NDRG2: variants seen among roughly 807,000 people sequenced by gnomAD.
NDRG2 encodes NDRG family member 2, also known as protein NDRG2.
A neutral mutation model predicts 58.2 loss-of-function variants in NDRG2; 34 were observed. The observed-to-expected ratio is 0.58, with a 90% CI of 0.44 to 0.78. The LOEUF is 0.78. Among genes scored for constraint, NDRG2 ranks in the 30% least tolerant of loss-of-function variants. NDRG2 has a pLI of 0.00. For missense variants in NDRG2, 434 were observed against 471.2 expected, an observed-to-expected ratio of 0.92 and a Z score of 0.73; for synonymous variants, 187 against 175.9, an observed-to-expected ratio of 1.06 and a Z score of -0.50.
At chr14:21,025,595 G>A, upstream of NDRG2, 2 of 985,628 alleles carry the variant, frequency 2.0e-6, no homozygotes, top group Non-Finnish European at 2.4e-6. The surrounding 1 kb of genome is among the most constrained non-coding windows in gnomAD (Gnocchi z 5.1). Flanking sequence ...GGCAGGGGCA[G>A]GTGTGCTGGC....
rs1291662075 is a variant in NDRG2 at position 21,017,654 on chromosome 14, C to G, written c.1058G>C (p.Ser353Thr). The G allele has an allele frequency of 5.0e-6, 8 of 1,613,172 alleles. No homozygotes were observed. The highest frequency in any genetic ancestry group is 1.7e-5 in the Admixed American group (1 of 59,890). ...RSRSRTLSQS[S>T]ESGTLSSGPP... Reference sequence around the variant, plus strand: ...CCCCGAAGAAAGAGTTCCAGACTCGCTGCTCTGGGACAGGGTGCGAGAGCG... The same window carrying G: ...CCCCGAAGAAAGAGTTCCAGACTCGGTGCTCTGGGACAGGGTGCGAGAGCG... Residue 353 changes from serine to threonine, a missense_variant, in exon 16 of 16, where the codon AGC becomes ACC. Coordinates refer to ENST00000556147, the MANE Select transcript of NDRG2 (RefSeq NM_001320329.2).
At chr14:21,020,920 T>A (rs1288595247) in intron 6 of NDRG2, 76 bp from the exon 7 acceptor site, 10 of 1,485,804 alleles carry the variant, frequency 6.7e-6, no homozygotes, top group Non-Finnish European at 9.3e-6. Flanking sequence ...CTTCAAACTC[T>A]TCACCCTCCC....
Position 21,020,739 on chromosome 14 carries a change from C to A in NDRG2, c.468+45G>T, listed in dbSNP as rs763653092. 23 of 1,610,644 alleles carry A rather than the reference C, an allele frequency of 1.4e-5. No individual in the cohort carries two copies. The South Asian group carries it at 1.5e-4, about 11-fold the overall frequency. On this transcript the variant is annotated intron_variant, in intron 7 of 15. Transcript: ENST00000556147. Reference sequence around the variant, plus strand: ...CACTAATAAACAGTATTCTCCTAATCAGTCTGGACCCTCCTTTCCCTCCTC... The same window carrying A: ...CACTAATAAACAGTATTCTCCTAATAAGTCTGGACCCTCCTTTCCCTCCTC...
At chr14:21,064,029 C>T (rs1886118401) in intron 1 of NDRG2, among the ~76,000 whole-genome samples, 1 of 152,170 alleles carries the variant, frequency 6.6e-6, no homozygotes. Flanking sequence ...CACAATCAAC[C>T]TTTTTAATAT....
chr14:21,070,511 C>A lies in NDRG2; in HGVS notation c.24+317G>T, dbSNP rs1886654908. 1 of 1,268,536 alleles carries A rather than the reference C, an allele frequency of 7.9e-7. No homozygotes were observed. Among genetic ancestry groups the A allele is most frequent in the African/African-American group, 1.5e-5 (1 of 66,690 alleles). The allele number at this position is 1,268,536 out of a possible 1,614,324, so 78.6% of individuals were successfully genotyped here. On this transcript the variant is annotated intron_variant, in intron 1 of 14. Transcript: ENST00000403829. The surrounding 1 kb of genome is among the most constrained non-coding windows in gnomAD (Gnocchi z 4.7). ...GAGCCTGCCTCGGACTGTTCGGCCC[C>A]TCTGGGACTCTCCTCCCTCCCATCC...
At chr14:21,036,531 C>A (rs1884641110) in intron 1 of NDRG2, among the ~76,000 whole-genome samples, 1 of 152,194 alleles carries the variant, frequency 6.6e-6, no homozygotes, top group African/African-American at 2.4e-5. Flanking sequence ...GACCCGCGGG[C>A]CATGGGTTGG....
At chr14:21,062,533 G>A (rs1886018966) in intron 1 of NDRG2, among the ~76,000 whole-genome samples, 2 of 152,196 alleles carry the variant, frequency 1.3e-5, no homozygotes, top group South Asian at 2.1e-4. Flanking sequence ...TGAGGCCCGT[G>A]TAGGGGTGGC....
chr14:21,038,280 A>G (rs978035138), intron 1 of NDRG2, among the ~76,000 whole-genome samples: 1 of 152,242 alleles, frequency 6.6e-6, no homozygotes, highest in Non-Finnish European at 1.5e-5. Flanking sequence ...GGTCACTTAT[A>G]TGCAAGGCAT....
At chr14:21,063,214 G>T (rs574684797) in intron 1 of NDRG2, among the ~76,000 whole-genome samples, 1 of 152,088 alleles carries the variant, frequency 6.6e-6, no homozygotes, top group African/African-American at 2.4e-5. Context: ...TAAAAGTGGT[G>T]TGTATGTGTG....
chr14:21,025,239 G>T, upstream of NDRG2: 1 of 839,788 alleles, frequency 1.2e-6, no homozygotes, highest in Non-Finnish European at 1.4e-6. This position sits in a 1 kb window ranked among gnomAD's most constrained non-coding sequence, Gnocchi z 5.1. Context: ...GGGCCGGGGG[G>T]CGAGGGGCGG....
chr14:21,056,507 C>T (rs1885680678), intron 1 of NDRG2, among the ~76,000 whole-genome samples: 2 of 152,054 alleles, frequency 1.3e-5, no homozygotes, highest in South Asian at 4.2e-4. Context: ...GGCCTGTTGT[C>T]GTTATTGAAA....
rs1293589458 is a variant in NDRG2, at chr14:21,070,608, T to A, written c.24+220A>T. Reference sequence around the variant, plus strand: ...CACCGGGTATTGCCCTCACCCTTTCTTCCTCCTCTCCTCCGCCTCCTCCCC... The same window carrying A: ...CACCGGGTATTGCCCTCACCCTTTCATCCTCCTCTCCTCCGCCTCCTCCCC... On this transcript the variant is annotated intron_variant, in intron 1 of 14. Transcript: ENST00000403829. This position sits in a 1 kb window ranked among gnomAD's most constrained non-coding sequence, Gnocchi z 4.7. Among the ~76,000 whole-genome samples, 2 of 151,872 alleles carry A rather than the reference T, an allele frequency of 1.3e-5. No individual in the cohort carries two copies. Among genetic ancestry groups the A allele is most frequent in the African/African-American group, 4.8e-5 (2 of 41,366 alleles).
intron 1 of NDRG2, chr14:21,031,848 G>A (rs1342450268): frequency 2.5e-6 from 4 of 1,592,148 alleles, no homozygotes; most frequent in Non-Finnish European, 2.6e-6. Context: ...GGATATGACA[G>A]CGTAAGGAAA....
Position 21,070,730 on chromosome 14 carries a change from C to G in NDRG2, c.24+98G>C. 1.5e-6 allele frequency: 2 copies of G among 1,340,786 alleles called. No homozygotes were observed. The highest frequency in any genetic ancestry group is 2.1e-6 in the Non-Finnish European group (2 of 975,310). The allele number at this position is 1,340,786 out of a possible 1,614,324, so 83.1% of individuals were successfully genotyped here. A position where few individuals can be genotyped will look rare whatever the true frequency, so the allele number is the denominator to read the frequency against. Reference sequence around the variant, plus strand: ...CCTTCCTTTCCTGGAGCTTCCCTCCCCCTCCTGGTCCGAGCTCCTTACCCG... The same window carrying G: ...CCTTCCTTTCCTGGAGCTTCCCTCCGCCTCCTGGTCCGAGCTCCTTACCCG... On this transcript the variant is annotated intron_variant, in intron 1 of 14. Coordinates refer to the NDRG2 transcript ENST00000403829. This position sits in a 1 kb window ranked among gnomAD's most constrained non-coding sequence, Gnocchi z 4.7.
rs1886143425 is a variant in NDRG2, at chr14:21,064,429, G to GTAGCTGGGAT, written c.24+6389_24+6398dup. The stretch of plus-strand genomic sequence containing the variant: ...CGATTCTCCTGTCTCAGCCTCCCAA[G>GTAGCTGGGAT]TAGCTGGGATTACAGGTGCACACTG... On this transcript the variant is annotated intron_variant, in intron 1 of 14. Transcript: ENST00000403829. Among the ~76,000 whole-genome samples, 2 of 152,132 alleles carry GTAGCTGGGAT rather than the reference G, an allele frequency of 1.3e-5. 1 individual carries two copies. Among genetic ancestry groups the GTAGCTGGGAT allele is most frequent in the African/African-American group, 4.8e-5 (2 of 41,502 alleles).
intron 1 of NDRG2, chr14:21,057,858 C>A: frequency 6.3e-7 from 1 of 1,577,036 alleles, no homozygotes; most frequent in Non-Finnish European, 8.7e-7. Flanking sequence ...ATCCACCTAC[C>A]TCCTCACTCT....
At chr14:21,064,642 T>C (rs905703358) in intron 1 of NDRG2, among the ~76,000 whole-genome samples, 1 of 152,220 alleles carries the variant, frequency 6.6e-6, no homozygotes, top group Non-Finnish European at 1.5e-5. Context: ...GCAAAAATTA[T>C]ACTTATGCGT....
chr14:21,038,158 G>T (rs1019302406), intron 1 of NDRG2, among the ~76,000 whole-genome samples: 1 of 152,146 alleles, frequency 6.6e-6, no homozygotes, highest in Non-Finnish European at 1.5e-5. Context: ...TCTAGAAGCC[G>T]CATTGTCACT....
chr14:21,018,647 C>T, intron 12 of NDRG2, 116 bp downstream of exon 12: 1 of 1,570,342 alleles, frequency 6.4e-7, no homozygotes, highest in South Asian at 1.2e-5. Flanking sequence ...ATTCTTAGTG[C>T]CCCAAAGTTG....
Sources: gnomAD v4.1 joint callset for allele counts (sites outside exome capture counted in the v4.1 genomes callset) on GRCh38, gnomAD v4.1.1 for gene constraint, Gnocchi (gnomAD v3.1) non-coding constraint, MANE v1.5 for transcripts, NCBI Gene and HGNC (gene_info 2026-07-23, HGNC 2026-07-21) for gene names.